ERP44: variants seen among roughly 807,000 people sequenced by gnomAD.
ERP44 encodes the protein endoplasmic reticulum resident protein 44.
A neutral mutation model predicts 53.4 loss-of-function variants in ERP44; 25 were observed. The observed-to-expected ratio is 0.47, with a 90% CI of 0.34 to 0.65. ERP44 has a LOEUF of 0.65. Ranked by LOEUF, ERP44 falls within the 30% of genes least tolerant of loss-of-function variation. The pLI, the probability that ERP44 is intolerant of heterozygous loss-of-function variation, is 0.01. For synonymous variants in ERP44, 145 were observed against 161.2 expected (o/e 0.90, Z 0.76); for missense variants, 338 against 493.2 (o/e 0.69, Z 2.98).
At chr9:100,053,295 C>T (rs950529612) in intron 3 of ERP44, among the ~76,000 whole-genome samples, 1 of 152,110 alleles carries the variant, frequency 6.6e-6, no homozygotes, top group African/African-American at 2.4e-5. Context: ...ACCAAGACTT[C>T]CTGTCTATAT....
rs1445261685 is a variant in ERP44 at position 99,979,606 on chromosome 9, T to TC, written c.*3005dup. 1 of 219,104 alleles carries TC rather than the reference T, an allele frequency of 4.6e-6. No individual in the cohort carries two copies. The highest frequency in any genetic ancestry group is 2.3e-5 in the African/African-American group (1 of 44,184). 13.6% of individuals were successfully genotyped at this position (219,104 alleles called of 1,614,324 possible). On this transcript the variant is annotated 3_prime_UTR_variant, in exon 12 of 12. Coordinates refer to ENST00000262455, the MANE Select transcript of ERP44 (RefSeq NM_015051.3). ...TCTAAAAGTTTCCATCCTTTTATGG[T>TC]CCCCCTCACAATTTGAAAAACTCGA...
chr9:100,062,147 T>G (rs1826157875), intron 1 of ERP44, among the ~76,000 whole-genome samples: 1 of 152,212 alleles, frequency 6.6e-6, no homozygotes, highest in Non-Finnish European at 1.5e-5. Flanking sequence ...TATTAGATCA[T>G]ACCCCCTTTG....
chr9:99,991,563 G>C (rs1056996082), intron 10 of ERP44, among the ~76,000 whole-genome samples: 3 of 152,146 alleles, frequency 2.0e-5, no homozygotes, highest in African/African-American at 7.2e-5. Flanking sequence ...AAGAAAGCAG[G>C]AAAGATCTAA....
intron 10 of ERP44, among the ~76,000 whole-genome samples, chr9:99,985,715 T>C (rs1224793077): frequency 6.6e-6 from 1 of 152,184 alleles, no homozygotes; most frequent in Admixed American, 6.5e-5. Context: ...ATGTTTTTTT[T>C]CCTAAACATA....
At chr9:100,038,743 T>G (rs897861112) in intron 4 of ERP44, among the ~76,000 whole-genome samples, 21 of 151,998 alleles carry the variant, frequency 1.4e-4, no homozygotes, top group African/African-American at 4.3e-4. Context: ...AAAGATCTGT[T>G]GCTTACAAAA....
At chr9:100,062,254 CTTATA>C (rs1175540392) in intron 1 of ERP44, among the ~76,000 whole-genome samples, 4 of 152,162 alleles carry the variant, frequency 2.6e-5, no homozygotes, top group East Asian at 3.8e-4. Flanking sequence ...TCATGTAAAA[CTTATA>C]TTAAATAAAT....
intron 4 of ERP44, among the ~76,000 whole-genome samples, chr9:100,041,860 G>T (rs1460011631): frequency 6.6e-6 from 1 of 152,166 alleles, no homozygotes; most frequent in Non-Finnish European, 1.5e-5. Flanking sequence ...ATATGCAGAA[G>T]AATGAAACTA....
At chr9:100,078,472 A>AC (rs1826383631) in intron 1 of ERP44, among the ~76,000 whole-genome samples, 1 of 145,998 alleles carries the variant, frequency 6.8e-6, no homozygotes, top group South Asian at 2.2e-4. Flanking sequence ...AAAAAAAAAA[A>AC]GTCCGGGTGC....
At chr9:100,041,390 C>T (rs1203725492) in intron 4 of ERP44, among the ~76,000 whole-genome samples, 1 of 152,100 alleles carries the variant, frequency 6.6e-6, no homozygotes, top group African/African-American at 2.4e-5. Context: ...CAGACACAGG[C>T]CAGGCGCAGT....
At chr9:100,042,684 T>C (rs1406329309) in intron 4 of ERP44, among the ~76,000 whole-genome samples, 1 of 151,968 alleles carries the variant, frequency 6.6e-6, no homozygotes, top group Non-Finnish European at 1.5e-5. Flanking sequence ...AACAAATGGA[T>C]AGAGAAAATG....
chr9:100,043,084 C>A lies in ERP44; in HGVS notation c.286+9333G>T, dbSNP rs546009884. Among the ~76,000 whole-genome samples, 4 of 150,824 alleles carry A rather than the reference C, an allele frequency of 2.7e-5. No individual in the cohort carries two copies. In the South Asian group the frequency reaches 8.4e-4, roughly 32 times the overall value. On this transcript the variant is annotated intron_variant, in intron 4 of 11. Coordinates refer to ENST00000262455, the MANE Select transcript of ERP44 (RefSeq NM_015051.3). ...ACCATCCTGGCTAACATGGTGAAACCCAGTCTCTACTAAAAATACAAAAAA... is the reference window on the plus strand; with the variant it reads ...ACCATCCTGGCTAACATGGTGAAACACAGTCTCTACTAAAAATACAAAAAA...
chr9:99,987,341 A>G (rs1587953430), intron 10 of ERP44, among the ~76,000 whole-genome samples: 3 of 152,242 alleles, frequency 2.0e-5, no homozygotes, highest in African/African-American at 7.2e-5. Flanking sequence ...GGCCCTTGCC[A>G]TAATAAATAA....
intron 1 of ERP44, among the ~76,000 whole-genome samples, chr9:100,097,833 A>C (rs551798024): frequency 6.6e-6 from 1 of 152,370 alleles, no homozygotes; most frequent in African/African-American, 2.4e-5. Context: ...GTGTGACTTC[A>C]TATGCGTCAC....
chr9:99,998,586 T>G, intron 10 of ERP44: 1 of 739,774 alleles, frequency 1.4e-6, no homozygotes, highest in Non-Finnish European at 2.5e-6. Flanking sequence ...CTGTGCCTCC[T>G]GCCGTCATCC....
At chr9:100,074,249 T>C (rs1284992670) in intron 1 of ERP44, among the ~76,000 whole-genome samples, 1 of 152,118 alleles carries the variant, frequency 6.6e-6, no homozygotes, top group Non-Finnish European at 1.5e-5. Flanking sequence ...AGTCCGCAGT[T>C]TCATCCTGAA....
At chr9:100,039,006 T>C (rs1284782963) in intron 4 of ERP44, among the ~76,000 whole-genome samples, 1 of 152,164 alleles carries the variant, frequency 6.6e-6, no homozygotes, top group Non-Finnish European at 1.5e-5. Context: ...AATGTAAATA[T>C]ATACGCACCC....
intron 4 of ERP44, among the ~76,000 whole-genome samples, chr9:100,046,087 A>G (rs1333953622): frequency 6.6e-6 from 1 of 152,182 alleles, no homozygotes; most frequent in African/African-American, 2.4e-5. Flanking sequence ...AAATTTAACA[A>G]TCAATGCCAT....
chr9:100,010,015 G>A (rs1830457556), intron 8 of ERP44, among the ~76,000 whole-genome samples: 1 of 150,496 alleles, frequency 6.6e-6, no homozygotes, highest in Admixed American at 6.7e-5. Flanking sequence ...TTTTATCAGT[G>A]CCCCTCATGT....
At chr9:100,039,147 A>T (rs1366007149) in intron 4 of ERP44, among the ~76,000 whole-genome samples, 1 of 152,200 alleles carries the variant, frequency 6.6e-6, no homozygotes, top group African/African-American at 2.4e-5. Context: ...AAAATCAACA[A>T]GGAAACATCA....
Sources: allele counts gnomAD v4.1 joint callset (sites outside exome capture counted in the v4.1 genomes callset), GRCh38; gene constraint gnomAD v4.1.1; transcripts MANE v1.5; gene names NCBI Gene and HGNC (gene_info 2026-07-23, HGNC 2026-07-21).